The following CHODL variants were observed in gnomAD, a reference collection of about 807,000 sequenced individuals.
CHODL encodes transmembrane protein MT75.
In CHODL, 29 loss-of-function variants were observed where a neutral mutation model predicts 34.5. That is an observed-to-expected ratio of 0.84 (90% CI 0.63 to 1.15). The LOEUF (loss-of-function observed/expected upper bound fraction) is 1.15. Ranked by LOEUF, CHODL falls within the 50% of genes most tolerant of loss-of-function variation. The probability of loss-of-function intolerance (pLI) is 0.00; values close to 1 mark genes in which losing one functional copy is unlikely to be tolerated. For missense variants in CHODL, 332 were observed against 332.5 expected, an observed-to-expected ratio of 1.00 and a Z score of 0.01; for synonymous variants, 125 against 116.1, an observed-to-expected ratio of 1.08 and a Z score of -0.49.
chr21:17,962,879 C>T (rs1015251614), intron 1 of CHODL, among the ~76,000 whole-genome samples: 13 of 151,602 alleles, frequency 8.6e-5, no homozygotes, highest in East Asian at 3.9e-4. Context: ...CTGGCTAACA[C>T]GGTGAAAACC....
At chr21:17,938,564 C>T (rs1466674362) in intron 1 of CHODL, among the ~76,000 whole-genome samples, 2 of 144,672 alleles carry the variant, frequency 1.4e-5, no homozygotes, top group Admixed American at 7.1e-5. Context: ...CTGCAAGCTC[C>T]GCCTCCCGGG....
At chr21:18,117,052 T>C (rs572823608) in intron 2 of CHODL, among the ~76,000 whole-genome samples, 76 of 152,312 alleles carry the variant, frequency 5.0e-4, no homozygotes, top group African/African-American at 1.6e-3. Context: ...CCATTGGGAA[T>C]GGAAACCTGA....
intron 1 of CHODL, among the ~76,000 whole-genome samples, chr21:17,935,170 C>T (rs534280572): frequency 3.9e-5 from 6 of 152,266 alleles, no homozygotes; most frequent in Admixed American, 6.5e-5. Context: ...ACACCACCAC[C>T]TAGTATTTCT....
chr21:18,127,739 A>G (rs1210667368), intron 2 of CHODL, among the ~76,000 whole-genome samples: 2 of 123,236 alleles, frequency 1.6e-5, no homozygotes, highest in Non-Finnish European at 3.1e-5. Flanking sequence ...CACAGTCTCC[A>G]TGAGTCAGAA....
chr21:18,191,108 G>A (rs9647082), intron 2 of CHODL, among the ~76,000 whole-genome samples: 53,498 of 151,904 alleles, frequency 0.35, 11,610 homozygotes, highest in African/African-American at 0.61. Flanking sequence ...TTAGATGAAT[G>A]TACAAAATTA....
chr21:18,104,054 C>T (rs1248992084), intron 2 of CHODL, among the ~76,000 whole-genome samples: 1 of 152,138 alleles, frequency 6.6e-6, no homozygotes, highest in African/African-American at 2.4e-5. Context: ...TTTCTCTCCT[C>T]TTTTATTTTT....
intron 3 of CHODL, among the ~76,000 whole-genome samples, chr21:18,257,800 T>C (rs1321452067): frequency 2.0e-5 from 3 of 152,216 alleles, no homozygotes; most frequent in Admixed American, 2.0e-4. Flanking sequence ...GTTCTGGATT[T>C]AAAAAATAGT....
intron 1 of CHODL, among the ~76,000 whole-genome samples, chr21:18,021,045 A>G (rs1173546506): frequency 1.3e-5 from 2 of 152,134 alleles, no homozygotes; most frequent in Non-Finnish European, 2.9e-5. Flanking sequence ...TGAAATACTG[A>G]CTTCTCCACT....
At chr21:18,101,094 T>C (rs1301516556) in intron 2 of CHODL, among the ~76,000 whole-genome samples, 2 of 152,124 alleles carry the variant, frequency 1.3e-5, no homozygotes, top group African/African-American at 4.8e-5. Flanking sequence ...CAGTGGGAGA[T>C]GATTGAATAA....
At chr21:18,156,006 C>CTG (rs1421979592) in intron 2 of CHODL, among the ~76,000 whole-genome samples, 1 of 152,168 alleles carries the variant, frequency 6.6e-6, no homozygotes, top group Non-Finnish European at 1.5e-5. Context: ...AGTGCTACTG[C>CTG]TGTTTAACTG....
At chr21:18,197,307 A>G (rs757280906) in intron 2 of CHODL, among the ~76,000 whole-genome samples, 17 of 152,166 alleles carry the variant, frequency 1.1e-4, no homozygotes, top group Non-Finnish European at 2.5e-4. Flanking sequence ...CATAGTGCCA[A>G]TTAGCTTAAA....
At chr21:18,076,762 G>T (rs2064871681) in intron 2 of CHODL, among the ~76,000 whole-genome samples, 1 of 152,188 alleles carries the variant, frequency 6.6e-6, no homozygotes, top group Non-Finnish European at 1.5e-5. Context: ...CCCCAGCAAG[G>T]GTGGAGCCAC....
chr21:18,116,034 C>T (rs2065408575), intron 2 of CHODL, among the ~76,000 whole-genome samples: 1 of 151,934 alleles, frequency 6.6e-6, no homozygotes, highest in South Asian at 2.1e-4. Flanking sequence ...CTACTTTTCT[C>T]CTTGAGAATA....
Position 17,979,096 on chromosome 21 carries a change from T to C in CHODL, c.-144-48776T>C, listed in dbSNP as rs146471095. On this transcript the variant is annotated intron_variant, in intron 1 of 6. Coordinates refer to the CHODL transcript ENST00000400127. ...GGGCCCATCTGGATAATTCAGAATA[T>C]TCTTTCTTATTTAAGGTCCATAACC... Among the ~76,000 whole-genome samples, 1,510 of 152,300 alleles carry C rather than the reference T, an allele frequency of 9.9e-3. 24 individuals are homozygous for C. The highest frequency in any genetic ancestry group is 0.029 in the African/African-American group (1,188 of 41,554).
intron 1 of CHODL, among the ~76,000 whole-genome samples, chr21:17,970,694 T>C (rs2063607629): frequency 6.6e-6 from 1 of 152,176 alleles, no homozygotes; most frequent in Non-Finnish European, 1.5e-5. Context: ...GCTACACCCA[T>C]CACTTGAGCA....
chr21:17,953,787 G>C (rs1305171831), intron 1 of CHODL, among the ~76,000 whole-genome samples: 1 of 152,094 alleles, frequency 6.6e-6, no homozygotes, highest in Non-Finnish European at 1.5e-5. Context: ...TGAGGTGAAA[G>C]GATCATGAGG....
chr21:18,006,602 T>G (rs776259573), intron 1 of CHODL, among the ~76,000 whole-genome samples: 1 of 152,242 alleles, frequency 6.6e-6, no homozygotes, highest in Non-Finnish European at 1.5e-5. Context: ...GTAAGTATTA[T>G]TCTAATGCAA....
chr21:17,937,046 C>T (rs1328221951), intron 1 of CHODL, among the ~76,000 whole-genome samples: 2 of 145,828 alleles, frequency 1.4e-5, no homozygotes, highest in African/African-American at 5.1e-5. Context: ...TGTGCCATTG[C>T]ACTCCAGCCT....
At chr21:18,255,703 C>CT (rs913187030) in intron 1 of CHODL, among the ~76,000 whole-genome samples, 50 of 152,004 alleles carry the variant, frequency 3.3e-4, no homozygotes, top group African/African-American at 1.1e-3. Context: ...AAGTATATTC[C>CT]TTTTTTTAAA....
Sources: gnomAD v4.1 joint callset for allele counts (sites outside exome capture counted in the v4.1 genomes callset) on GRCh38, gnomAD v4.1.1 for gene constraint, MANE v1.5 for transcripts, NCBI Gene and HGNC (gene_info 2026-07-23, HGNC 2026-07-21) for gene names.